The following ATIC variants were observed in gnomAD, a reference collection of about 807,000 sequenced individuals.
The protein encoded by ATIC is bifunctional purine biosynthesis protein ATIC.
ATIC carries 64 observed loss-of-function variants against 72.5 expected under a neutral mutation model. That is an observed-to-expected ratio of 0.88 (90% confidence interval 0.72 to 1.09). ATIC has a LOEUF of 1.09. ATIC is among the 50% of genes least tolerant of loss of function. The probability of loss-of-function intolerance (pLI) is 0.00; values close to 1 mark genes in which losing one functional copy is unlikely to be tolerated. For synonymous variants in ATIC, 281 were observed against 267.1 expected (o/e 1.05, Z -0.51); for missense variants, 787 against 732.4 (o/e 1.07, Z -0.86).
chr2:215,367,453 G>A, the ATIC span, among the ~76,000 whole-genome samples: 4 of 152,180 alleles, frequency 2.6e-5, no homozygotes, highest in African/African-American at 9.7e-5. Context: ...TATGTTGAAG[G>A]AGGCTGTTTT....
intron 2 of ATIC, 151 bp downstream of exon 2, chr2:215,312,775 A>G: frequency 7.7e-7 from 1 of 1,303,974 alleles, no homozygotes; most frequent in Non-Finnish European, 1.1e-6. Flanking sequence ...GGGGAAAAAA[A>G]GTGAGGCTCA....
chr2:215,348,590 T>G (rs2053095806), intron 14 of ATIC: 1 of 380,656 alleles, frequency 2.6e-6, no homozygotes, highest in Admixed American at 3.7e-5. Context: ...CTTTTTTTCC[T>G]TAATGAAAAT....
At chr2:215,339,038 T>A in intron 12 of ATIC, 131 bp downstream of exon 12, 1 of 1,253,980 alleles carries the variant, frequency 8.0e-7, no homozygotes, top group Non-Finnish European at 1.1e-6. Flanking sequence ...CTAGCTTATC[T>A]TTGAGTTGTC....
chr2:215,341,417 CT>C (rs1373512159), intron 12 of ATIC, among the ~76,000 whole-genome samples: 1 of 152,054 alleles, frequency 6.6e-6, no homozygotes, highest in Non-Finnish European at 1.5e-5. Flanking sequence ...GGTTTTGTGC[CT>C]CTGGATATTT....
At chr2:215,337,303 A>AT (rs2052967025) in intron 11 of ATIC, among the ~76,000 whole-genome samples, 2 of 152,180 alleles carry the variant, frequency 1.3e-5, no homozygotes, top group Non-Finnish European at 2.9e-5. Context: ...GATACCAATA[A>AT]TTTTATAGTT....
chr2:215,361,971 T>G, the ATIC span: 4 of 1,613,008 alleles, frequency 2.5e-6, no homozygotes, highest in Non-Finnish European at 3.4e-6. Context: ...GCACTTACAG[T>G]GTTTGTTCTC....
At chr2:215,349,917 T>C, downstream of ATIC, 2 of 564,924 alleles carry the variant, frequency 3.5e-6, no homozygotes, top group Non-Finnish European at 6.1e-6. Context: ...ACATAAACAT[T>C]AGCAGGAACC....
At position 215,319,739 on chromosome 2, in the gene ATIC, C is replaced by G. The variant is rs376889224; in HGVS notation, c.290+8C>G. On this transcript the variant is annotated splice_region_variant and intron_variant, in intron 4 of 15. Coordinates refer to ENST00000236959, the MANE Select transcript of ATIC (RefSeq NM_004044.7). ...TGATTTCAATCTTATAAGGTAAAAA[C>G]CTGAAATTAAACTTTTAACACATTA... 6.3e-7 allele frequency: 1 copy of G among 1,598,932 alleles called. No individual in the cohort carries two copies. The highest frequency in any genetic ancestry group is 8.6e-7 in the Non-Finnish European group (1 of 1,166,386).
At chr2:215,327,836 G>C (rs986543986) in intron 7 of ATIC, among the ~76,000 whole-genome samples, 2 of 152,122 alleles carry the variant, frequency 1.3e-5, no homozygotes, top group Non-Finnish European at 1.5e-5. Flanking sequence ...GGTGGGAGGA[G>C]AATCTGAAAG....
chr2:215,338,637 A>C, intron 11 of ATIC, 142 bp from the exon 12 acceptor site: 1 of 847,772 alleles, frequency 1.2e-6, no homozygotes, highest in African/African-American at 1.7e-5. Flanking sequence ...TTGTGTGAGA[A>C]AAATTAGAAA....
chr2:215,366,919 T>A, the ATIC span, among the ~76,000 whole-genome samples: 1 of 152,240 alleles, frequency 6.6e-6, no homozygotes, highest in South Asian at 2.1e-4. Context: ...GTTTTTAGTG[T>A]TTTTCATTTT....
chr2:215,313,539 G>A (rs1378201584), intron 2 of ATIC, among the ~76,000 whole-genome samples: 2 of 152,134 alleles, frequency 1.3e-5, no homozygotes, highest in Non-Finnish European at 2.9e-5. Flanking sequence ...TTTAATAAAC[G>A]GCAGTGAGAG....
At chr2:215,331,740 T>A (rs147183570) in intron 7 of ATIC, among the ~76,000 whole-genome samples, 1 of 152,258 alleles carries the variant, frequency 6.6e-6, no homozygotes, top group East Asian at 1.9e-4. Context: ...GAACTTCTTA[T>A]GTTTATTCAC....
At chr2:215,363,484 C>G in the ATIC span, 3 of 152,344 alleles carry the variant, frequency 2.0e-5, no homozygotes, top group Non-Finnish European at 4.4e-5. Context: ...CATGTAATCA[C>G]TGGGGGTGAA....
intron 4 of ATIC, among the ~76,000 whole-genome samples, chr2:215,319,949 A>G (rs2052750122): frequency 6.6e-6 from 1 of 152,220 alleles, no homozygotes; most frequent in South Asian, 2.1e-4. Context: ...TAGTATGTAT[A>G]GGTTGAGTAT....
rs764728771 is a variant in ATIC, at chr2:215,338,894, C to G, written c.1214C>G (p.Thr405Ser). The G allele has an allele frequency of 7.4e-6, 12 of 1,613,274 alleles. No individual in the cohort carries two copies. In the East Asian group the frequency reaches 2.2e-4, roughly 30 times the overall value. ...AAGTCATTATTTAGCAATGTTGTTA[C>G]CAAAAATAAAGATGTAAGTTGGGAA... ...VDKSLFSNVV[T>S]KNKDLPESAL... The change falls in exon 12 of 16, where the codon ACC (threonine) becomes AGC (serine). Residue 405 changes from threonine to serine, a missense_variant. By Grantham distance (58) the Thr-to-Ser change is moderately conservative. Transcript: ENST00000236959.
rs143708155 is a variant in ATIC, at chr2:215,326,109, T to C, written c.502T>C (p.Leu168=). ...GAGCTCCGAGAGTAAGGACACCTCC[T>C]TGGAGACTAGACGCCAGTTAGCCTT... ...MQSSESKDTS[L]ETRRQLALKA... Residue 168 remains leucine (L), a synonymous_variant, in exon 6 of 16, where the codon TTG becomes CTG. Transcript: ENST00000236959. The C allele has an allele frequency of 1.3e-3, 2,050 of 1,614,134 alleles. 3 individuals carry two copies. The highest frequency in any genetic ancestry group is 1.4e-3 in the Non-Finnish European group (1,617 of 1,179,992).
rs200243425 is a variant in ATIC, at chr2:215,318,246, T to A, written c.223+13T>A. On this transcript the variant is annotated intron_variant, in intron 3 of 15. Coordinates refer to ENST00000236959, the MANE Select transcript of ATIC (RefSeq NM_004044.7). Reference sequence around the variant, plus strand: ...GCAGTCCATGCTGGTAAGTGGTTGGTATCTTTAATGTAAAAACAGTCAGTG... The same window carrying A: ...GCAGTCCATGCTGGTAAGTGGTTGGAATCTTTAATGTAAAAACAGTCAGTG... 1.9e-6 allele frequency: 3 copies of A among 1,608,504 alleles called. No individual in the cohort carries two copies. In the African/African-American group the frequency reaches 4.0e-5, roughly 22 times the overall value.
chr2:215,338,522 A>G (rs544028397), intron 11 of ATIC, among the ~76,000 whole-genome samples: 1 of 152,222 alleles, frequency 6.6e-6, no homozygotes, highest in Non-Finnish European at 1.5e-5. Flanking sequence ...ACTATTGGGT[A>G]GTAAAATCTA....
Sources: allele counts gnomAD v4.1 joint callset (sites outside exome capture counted in the v4.1 genomes callset), GRCh38; gene constraint gnomAD v4.1.1; transcripts MANE v1.5; gene names NCBI Gene and HGNC (gene_info 2026-07-23, HGNC 2026-07-21).